PLCG2: variants seen among roughly 807,000 people sequenced by gnomAD.
The protein encoded by PLCG2 is 1-phosphatidylinositol 4,5-bisphosphate phosphodiesterase gamma-2.
PLCG2 carries 69 observed loss-of-function variants against 175.6 expected under a neutral mutation model. The ratio of observed to expected loss-of-function variants is 0.39; its 90% CI spans 0.32 to 0.48. PLCG2 has a LOEUF of 0.48. Among genes scored for constraint, PLCG2 ranks in the 20% least tolerant of loss-of-function variants. The pLI, the probability that PLCG2 is intolerant of heterozygous loss-of-function variation, is 0.91. For synonymous variants in PLCG2, 827 were observed against 624.0 expected (o/e 1.33, Z -4.85); for missense variants, 1,798 against 1,650.9 (o/e 1.09, Z -1.54).
At position 81,785,954 on chromosome 16, in the gene PLCG2, C is replaced by T. The variant is rs763960656; in HGVS notation, c.-36C>T. ...TTCTGCCCTTTCAGCTTCCTGATTT[C>T]TCCCGATTCCTTCCTTCTCCCTGGA... On this transcript the variant is annotated 5_prime_UTR_variant, in exon 2 of 33. Coordinates refer to ENST00000564138, the MANE Select transcript of PLCG2 (RefSeq NM_002661.5). 1.1e-5 allele frequency: 17 copies of T among 1,588,540 alleles called. No homozygotes were observed. The highest frequency in any genetic ancestry group is 1.7e-4 in the Middle Eastern group (1 of 5,998).
At chr16:81,830,943 C>T (rs8047444) in intron 2 of PLCG2, among the ~76,000 whole-genome samples, 75,749 of 151,890 alleles carry the variant, frequency 0.5, 19,622 homozygotes, top group East Asian at 0.63. Context: ...AGAGAGCATA[C>T]GCAGTGTGTC....
At chr16:81,835,574 G>C (rs1435354297) in intron 2 of PLCG2, among the ~76,000 whole-genome samples, 1 of 146,706 alleles carries the variant, frequency 6.8e-6, no homozygotes, top group Non-Finnish European at 1.5e-5. Flanking sequence ...GCAAGACTCG[G>C]TCTCAAATAT....
intron 5 of PLCG2, among the ~76,000 whole-genome samples, chr16:81,864,638 C>T (rs542001638): frequency 7.4e-4 from 112 of 152,194 alleles, no homozygotes; most frequent in Non-Finnish European, 1.3e-3. Flanking sequence ...GTGAAGGGTG[C>T]GTGGACCTGC....
In PLCG2 at chr16:81,891,738, C is replaced by T. The variant is rs190965346; in HGVS notation, c.986+148C>T. The T allele has an allele frequency of 3.4e-5, 19 of 563,666 alleles. No individual in the cohort carries two copies. The Admixed American group carries it at 3.6e-4, about 11-fold the overall frequency. The allele number at this position is 563,666 out of a possible 1,614,324, so 34.9% of individuals were successfully genotyped here. On this transcript the variant is annotated intron_variant, in intron 11 of 32. Coordinates refer to ENST00000564138, the MANE Select transcript of PLCG2 (RefSeq NM_002661.5). The stretch of plus-strand genomic sequence containing the variant: ...TTCCTTGGACTAAAATACACAGAAG[C>T]TTCTGGAAGGGGCTGGGAACACACT...
At chr16:81,923,317 G>T (rs1203322835) in intron 21 of PLCG2, 168 bp from the exon 22 acceptor site, 2 of 565,504 alleles carry the variant, frequency 3.5e-6, no homozygotes, top group Non-Finnish European at 6.4e-6. Flanking sequence ...GCTTTTTGGG[G>T]CCTTCGATCC....
intron 2 of PLCG2, among the ~76,000 whole-genome samples, chr16:81,802,211 C>T (rs1481924126): frequency 1.4e-5 from 2 of 146,270 alleles, no homozygotes; most frequent in Admixed American, 7.1e-5. Context: ...CTCCCGGGTT[C>T]ACACCATTCT....
intron 2 of PLCG2, among the ~76,000 whole-genome samples, chr16:81,788,062 T>C (rs1270337353): frequency 1.3e-5 from 2 of 152,202 alleles, no homozygotes; most frequent in African/African-American, 4.8e-5. Flanking sequence ...TGTCTGTTTT[T>C]ATTTGTTTTG....
intron 8 of PLCG2, 112 bp from the exon 9 acceptor site, chr16:81,883,157 C>T: frequency 1.2e-6 from 1 of 850,728 alleles, no homozygotes. Flanking sequence ...AACACAGTGC[C>T]AGACTAAGTG....
At chr16:81,762,269 CTG>C (rs1469083452) in intron 2 of PLCG2, among the ~76,000 whole-genome samples, 1 of 151,966 alleles carries the variant, frequency 6.6e-6, no homozygotes, top group Non-Finnish European at 1.5e-5. Context: ...TAAAAAGAAA[CTG>C]TCAACTGTTA....
intron 2 of PLCG2, among the ~76,000 whole-genome samples, chr16:81,815,191 T>A (rs1904489199): frequency 6.6e-6 from 1 of 152,170 alleles, no homozygotes; most frequent in South Asian, 2.1e-4. Flanking sequence ...AGAGGGTGGT[T>A]ATGCGAAGGG....
intron 1 of PLCG2, among the ~76,000 whole-genome samples, chr16:81,746,106 C>G (rs1909698800): frequency 6.6e-6 from 1 of 152,168 alleles, no homozygotes; most frequent in African/African-American, 2.4e-5. Context: ...ATGCCATAGT[C>G]GAATGGAACC....
intron 18 of PLCG2, 83 bp from the exon 19 acceptor site, chr16:81,912,514 G>A (rs1236969185): frequency 6.6e-7 from 1 of 1,521,512 alleles, no homozygotes; most frequent in Non-Finnish European, 8.9e-7. Context: ...TGTCACTGGT[G>A]CCATTATCTT....
chr16:81,838,793 AT>A (rs1905667271), intron 2 of PLCG2, among the ~76,000 whole-genome samples: 1 of 148,298 alleles, frequency 6.7e-6, no homozygotes, highest in Non-Finnish European at 1.5e-5. Context: ...ATATATATAT[AT>A]ATATATATAT....
At chr16:81,952,700 A>T (rs1224774072) in intron 31 of PLCG2, among the ~76,000 whole-genome samples, 1 of 152,090 alleles carries the variant, frequency 6.6e-6, no homozygotes, top group Non-Finnish European at 1.5e-5. Context: ...CAGAGAAGAG[A>T]TAGCTCTTCC....
chr16:81,773,710 A>G (rs747731084), intron 2 of PLCG2, among the ~76,000 whole-genome samples: 7 of 152,022 alleles, frequency 4.6e-5, no homozygotes, highest in Non-Finnish European at 8.8e-5. Context: ...TCTAACCAGG[A>G]TCCATGCCCA....
chr16:81,820,898 G>A (rs1019061349), intron 2 of PLCG2, among the ~76,000 whole-genome samples: 1 of 151,670 alleles, frequency 6.6e-6, no homozygotes, highest in African/African-American at 2.4e-5. Flanking sequence ...TGGGATTACA[G>A]GTGCACACCA....
rs572201295 is a variant in PLCG2 at position 81,940,151 on chromosome 16, C to T, written c.3481+92C>T. ...TCAAAAAGAATGAAAAATGATTTTT[C>T]CTGGTTTGGATGGAATCACTGTAAA... is the stretch of plus-strand genomic sequence containing the variant. On this transcript the variant is annotated intron_variant, in intron 30 of 32. Transcript: ENST00000564138. The T allele has an allele frequency of 9.2e-6, 11 of 1,194,968 alleles. No individual in the cohort carries two copies. The African/African-American group carries it at 1.1e-4, about 11-fold the overall frequency. The allele number at this position is 1,194,968 out of a possible 1,614,324, so 74.0% of individuals were successfully genotyped here.
At chr16:81,956,903 A>G in intron 32 of PLCG2, 24 bp downstream of exon 32, 3 of 1,604,862 alleles carry the variant, frequency 1.9e-6, no homozygotes, top group East Asian at 2.2e-5. Flanking sequence ...TCCACCTGCA[A>G]AAACTTTTGG....
rs139814662 is a variant in PLCG2 at position 81,889,123 on chromosome 16, T to C, written c.766-49T>C. On this transcript the variant is annotated intron_variant, in intron 9 of 32. Coordinates refer to ENST00000564138, the MANE Select transcript of PLCG2 (RefSeq NM_002661.5). ...GGATGGACCCTGGGAAATGAAGAAT[T>C]TTATCAGTTCTCACTTTGCTGATCT... 603 of 1,123,880 alleles carry C rather than the reference T, an allele frequency of 5.4e-4. 5 individuals are homozygous for C. In the East Asian group the frequency reaches 0.014, roughly 26 times the overall value. 69.6% of individuals were successfully genotyped at this position (1,123,880 alleles called of 1,614,324 possible).
Sources: allele counts gnomAD v4.1 joint callset (sites outside exome capture counted in the v4.1 genomes callset), GRCh38; gene constraint gnomAD v4.1.1; transcripts MANE v1.5; gene names NCBI Gene and HGNC (gene_info 2026-07-23, HGNC 2026-07-21).